Variants in CFHR3 observed in about 807,000 individuals in gnomAD.
CFHR3 encodes the protein complement factor H related 3, also known as complement factor H-related protein 3.
In CFHR3, 22 loss-of-function variants were observed where a neutral mutation model predicts 36.0. The observed-to-expected ratio is 0.61, with a 90% confidence interval of 0.44 to 0.87. CFHR3 has a LOEUF of 0.87. Among genes scored for constraint, CFHR3 ranks in the 40% least tolerant of loss-of-function variants. The pLI is 0.00. For missense variants in CFHR3, 276 were observed against 401.3 expected (o/e 0.69, Z 2.67); for synonymous variants, 97 against 137.4 (o/e 0.71, Z 2.06).
Position 196,784,110 on chromosome 1 carries a change from G to A in CFHR3, c.431-4106G>A, listed in dbSNP as rs1430773112. Among the ~76,000 whole-genome samples the A allele has an allele frequency of 3.7e-5, 5 of 136,608 alleles. 1 individual carries two copies. The highest frequency in any genetic ancestry group is 1.2e-4 in the African/African-American group (4 of 32,488). The allele number at this position is 136,608 out of a possible 152,430, so 89.6% of individuals were successfully genotyped here. ...TGTTCAGTTTCCATGTAGTTGAGCAGTTTTGAGTGAGTTTCTTAATCCTGA... is the reference window on the plus strand; with the variant it reads ...TGTTCAGTTTCCATGTAGTTGAGCAATTTTGAGTGAGTTTCTTAATCCTGA... On this transcript the variant is annotated intron_variant, in intron 3 of 5. Transcript: ENST00000367425.
chr1:196,789,330 A>T, intron 4 of CFHR3: 1 of 889,132 alleles, frequency 1.1e-6, no homozygotes, highest in Non-Finnish European at 1.3e-6. Context: ...CAAAGTGATT[A>T]TCTCAATGTT....
chr1:196,786,894 C>T (rs1446556081), intron 3 of CFHR3, among the ~76,000 whole-genome samples: 5 of 137,410 alleles, frequency 3.6e-5, no homozygotes, highest in Non-Finnish European at 6.2e-5. Context: ...CCGTCTTCTG[C>T]GTCGCTCACG....
chr1:196,778,316 T>G (rs1035576683), intron 1 of CFHR3, among the ~76,000 whole-genome samples: 1 of 136,914 alleles, frequency 7.3e-6, no homozygotes, highest in Non-Finnish European at 1.5e-5. Context: ...CTAAAGCTGT[T>G]GTGCCGCTAG....
intron 3 of CFHR3, among the ~76,000 whole-genome samples, chr1:196,784,268 A>C (rs1313047989): frequency 7.3e-6 from 1 of 136,574 alleles, no homozygotes; most frequent in African/African-American, 3.1e-5. Context: ...GCTGAAAAAA[A>C]TGTATATTCT....
At chr1:196,777,121 T>C (rs538379834) in intron 1 of CFHR3, among the ~76,000 whole-genome samples, 1 of 136,774 alleles carries the variant, frequency 7.3e-6, no homozygotes, top group African/African-American at 3.1e-5. Context: ...ACCAATTCTT[T>C]TGGAAGCCAC....
chr1:196,787,746 C>A (rs1053545092), intron 3 of CFHR3, among the ~76,000 whole-genome samples: 2 of 137,070 alleles, frequency 1.5e-5, no homozygotes, highest in African/African-American at 3.1e-5. Flanking sequence ...AGATGACAAC[C>A]ATTTTAAATT....
rs139777464 is a variant in CFHR3, at chr1:196,785,906, C to T, written c.431-2310C>T. Among the ~76,000 whole-genome samples, 8 of 136,144 alleles carry T rather than the reference C, an allele frequency of 5.9e-5. 1 individual carries two copies. The highest frequency in any genetic ancestry group is 9.3e-5 in the Non-Finnish European group (6 of 64,442). The allele number at this position is 136,144 out of a possible 152,430, so 89.3% of individuals were successfully genotyped here. On this transcript the variant is annotated intron_variant, in intron 3 of 5. Transcript: ENST00000367425. Reference sequence around the variant, plus strand: ...GCTTTTAGAGTTTCCAGTTTTTCTGCTCTGTTTTTTCCCCATCTTTGTGGT... The same window carrying T: ...GCTTTTAGAGTTTCCAGTTTTTCTGTTCTGTTTTTTCCCCATCTTTGTGGT...
intron 3 of CFHR3, 143 bp from the exon 4 acceptor site, chr1:196,788,073 C>G (rs1226549827): frequency 1.7e-6 from 1 of 604,142 alleles, no homozygotes; most frequent in East Asian, 3.8e-5. Context: ...ACACGGATGT[C>G]TAGGAAACTT....
chr1:196,794,543 T>G lies in CFHR3; in HGVS notation c.*1030T>G. On this transcript the variant is annotated 3_prime_UTR_variant, in exon 6 of 6. Transcript: ENST00000367425. The stretch of plus-strand genomic sequence containing the variant: ...TGATTTATTTAAGGCTACATTTGTA[T>G]TTTCTTAATACAAATATTTTGAAAG... The G allele has an allele frequency of 5.1e-6, 2 of 388,448 alleles. No homozygotes were observed. The highest frequency in any genetic ancestry group is 1.0e-5 in the Non-Finnish European group (2 of 200,700). 24.1% of individuals were successfully genotyped at this position (388,448 alleles called of 1,614,324 possible).
Position 196,789,593 on chromosome 1 carries a change from C to A in CFHR3, c.614-452C>A. 4.6e-6 allele frequency: 6 copies of A among 1,292,960 alleles called. 1 individual carries two copies. The highest frequency in any genetic ancestry group is 6.1e-6 in the Non-Finnish European group (6 of 980,160). 80.1% of individuals were successfully genotyped at this position (1,292,960 alleles called of 1,614,324 possible). On this transcript the variant is annotated intron_variant, in intron 4 of 5. Transcript: ENST00000367425. ...CTGTTAGTAAATCGTTACATAACTA[C>A]ATAAATGGTTACATTAACTTTTAAA...
chr1:196,794,281 G>A lies in CFHR3; in HGVS notation c.*768G>A, dbSNP rs1654520100. On this transcript the variant is annotated 3_prime_UTR_variant, in exon 6 of 6. Transcript: ENST00000367425. ...AGTTCAAGACCAGCCTGTTCAACACGGTGAAACCCTGTCTCTACTAAAAAT... is the reference window on the plus strand; with the variant it reads ...AGTTCAAGACCAGCCTGTTCAACACAGTGAAACCCTGTCTCTACTAAAAAT... Among the ~76,000 whole-genome samples the A allele has an allele frequency of 1.5e-5, 2 of 136,132 alleles. No individual in the cohort carries two copies. Among genetic ancestry groups the A allele is most frequent in the Non-Finnish European group, 3.1e-5 (2 of 64,346 alleles). The allele number at this position is 136,132 out of a possible 152,430, so 89.3% of individuals were successfully genotyped here.
intron 3 of CFHR3, among the ~76,000 whole-genome samples, chr1:196,780,702 T>C (rs1384034069): frequency 7.3e-6 from 1 of 136,810 alleles, no homozygotes; most frequent in Non-Finnish European, 1.5e-5. Flanking sequence ...TTGTGGCTAG[T>C]ATTGTTCTTT....
chr1:196,789,458 T>C (rs1654337904), intron 4 of CFHR3: 2 of 959,218 alleles, frequency 2.1e-6, no homozygotes, highest in African/African-American at 4.4e-5. Flanking sequence ...TTACTCAGCT[T>C]TGATAAATGA....
chr1:196,781,133 A>G (rs1259865529), intron 3 of CFHR3, among the ~76,000 whole-genome samples: 2 of 134,912 alleles, frequency 1.5e-5, no homozygotes, highest in East Asian at 3.9e-4. Flanking sequence ...ACATGAACTC[A>G]TCATTTTTTA....
In CFHR3 at chr1:196,779,193, T is replaced by C. The variant is rs140726188; in HGVS notation, c.90T>C (p.His30=). ...CTTGTGATTTTCCAGACATTAAACA[T>C]GGAGGTCTATTTCATGAGAATATGC... The part of the protein sequence containing the change: ...VKPCDFPDIK[H]GGLFHENMRR... Residue 30 remains histidine, a synonymous_variant, in exon 2 of 6, where the codon CAT becomes CAC. Transcript: ENST00000367425. 3.9e-6 allele frequency: 6 copies of C among 1,529,970 alleles called. No homozygotes were observed. Among genetic ancestry groups the C allele is most frequent in the East Asian group, 4.5e-5 (2 of 44,618 alleles). The allele number at this position is 1,529,970 out of a possible 1,614,324, so 94.8% of individuals were successfully genotyped here.
At position 196,781,211 on chromosome 1, in the gene CFHR3, T is replaced by C. The variant is rs1338754161; in HGVS notation, c.430+1238T>C. Reference sequence around the variant, plus strand: ...TAATCCAGTCTATCATTGTTGGACATTTGGGTTGGTTCCAAGTCTTTGCTA... The same window carrying C: ...TAATCCAGTCTATCATTGTTGGACACTTGGGTTGGTTCCAAGTCTTTGCTA... On this transcript the variant is annotated intron_variant, in intron 3 of 5. Transcript: ENST00000367425. 1.5e-3 allele frequency among the ~76,000 whole-genome samples: 209 copies of C among 135,348 alleles called. 33 individuals are homozygous for C. Among genetic ancestry groups the C allele is most frequent in the Non-Finnish European group, 2.8e-3 (179 of 64,170 alleles). The allele number at this position is 135,348 out of a possible 152,430, so 88.8% of individuals were successfully genotyped here. A position where few individuals can be genotyped will look rare whatever the true frequency, so the allele number is the denominator to read the frequency against.
At chr1:196,789,069 A>T in intron 4 of CFHR3, 1 of 1,136,378 alleles carries the variant, frequency 8.8e-7, no homozygotes, top group Non-Finnish European at 1.1e-6. Context: ...GAACAAAGGA[A>T]ATCTTTCAGT....
chr1:196,778,116 C>A lies in CFHR3; in HGVS notation c.59-1046C>A, dbSNP rs574897516. On this transcript the variant is annotated intron_variant, in intron 1 of 5. Transcript: ENST00000367425. ...GAGTATCTCAGGAGGTTACACAGTG[C>A]AGGGAGATTTAGATTTTCCAATATG... Among the ~76,000 whole-genome samples the A allele has an allele frequency of 4.4e-5, 6 of 134,876 alleles. No individual in the cohort carries two copies. The East Asian group carries it at 1.2e-3, about 26-fold the overall frequency. The allele number at this position is 134,876 out of a possible 152,430, so 88.5% of individuals were successfully genotyped here.
Position 196,776,606 on chromosome 1 carries a change from T to C in CFHR3, c.58+1662T>C, listed in dbSNP as rs183719467. 3.7e-5 allele frequency among the ~76,000 whole-genome samples: 5 copies of C among 135,948 alleles called. No homozygotes were observed. In the East Asian group the frequency reaches 9.8e-4, roughly 27 times the overall value. The allele number at this position is 135,948 out of a possible 152,430, so 89.2% of individuals were successfully genotyped here. The stretch of plus-strand genomic sequence containing the variant: ...GTATAGGGAAAGATCACGCAAGGCA[T>C]AGAGAGAAAACAACCATTTACAAGG... On this transcript the variant is annotated intron_variant, in intron 1 of 5. Transcript: ENST00000367425.
Sources: allele counts gnomAD v4.1 joint callset (sites outside exome capture counted in the v4.1 genomes callset), GRCh38; gene constraint gnomAD v4.1.1; transcripts MANE v1.5; gene names NCBI Gene and HGNC (gene_info 2026-07-23, HGNC 2026-07-21).